The following ALDH1A3 variants were observed in gnomAD, a reference collection of about 807,000 sequenced individuals.
ALDH1A3 encodes retinaldehyde dehydrogenase 3.
Under a neutral mutation model 57.5 loss-of-function variants are expected in ALDH1A3, and 28 were observed. The ratio of observed to expected loss-of-function variants is 0.49; its 90% CI spans 0.36 to 0.67. ALDH1A3 has a LOEUF of 0.67. ALDH1A3 is among the 30% of genes least tolerant of loss of function. The probability of loss-of-function intolerance (pLI) is 0.00; values close to 1 mark genes in which losing one functional copy is unlikely to be tolerated. For missense variants in ALDH1A3, 507 were observed against 669.4 expected, an observed-to-expected ratio of 0.76 and a Z score of 2.68; for synonymous variants, 281 against 264.8, an observed-to-expected ratio of 1.06 and a Z score of -0.59.
intron 3 of ALDH1A3, among the ~76,000 whole-genome samples, chr15:100,888,160 G>T (rs866584347): frequency 6.6e-6 from 1 of 151,920 alleles, no homozygotes; most frequent in African/African-American, 2.4e-5. Context: ...GTGCAGTGGC[G>T]CGATCTCGGC....
intron 7 of ALDH1A3, among the ~76,000 whole-genome samples, chr15:100,896,519 G>A (rs1596127042): frequency 6.6e-6 from 1 of 152,114 alleles, no homozygotes; most frequent in Admixed American, 6.5e-5. Context: ...TCAGGAAAAT[G>A]CAAATTCAAA....
intron 1 of ALDH1A3, chr15:100,880,550 T>G: frequency 4.9e-5 from 11 of 226,504 alleles, no homozygotes; most frequent in East Asian, 1.8e-4. Flanking sequence ...GCTTAGTTTA[T>G]ACCCGGCTCA....
intron 12 of ALDH1A3, among the ~76,000 whole-genome samples, chr15:100,911,316 C>T (rs1287687177): frequency 2.0e-5 from 3 of 152,222 alleles, no homozygotes; most frequent in Non-Finnish European, 4.4e-5. Flanking sequence ...CGGGCCCCTC[C>T]GGGAGCTGTT....
In ALDH1A3 at chr15:100,908,433, G is replaced by T; in HGVS notation, c.1417G>T (p.Ala473Ser). ...VWINCYNALY[A>S]QAPFGGFKMS... Reference sequence around the variant, plus strand: ...GATCAACTGCTACAACGCCCTCTATGCACAGGCTCCATTTGGTGGCTTTAA... The same window carrying T: ...GATCAACTGCTACAACGCCCTCTATTCACAGGCTCCATTTGGTGGCTTTAA... The change falls in exon 12 of 13, where the codon GCA becomes TCA. Residue 473 changes from alanine to serine, a missense_variant. By Grantham distance (99) the Ala-to-Ser change is moderately conservative. This residue lies in a region of ALDH1A3 where 432 missense variants were observed against 608.4 expected (regional missense o/e 0.71). Transcript: ENST00000329841. 1 of 1,613,988 alleles carries T rather than the reference G, an allele frequency of 6.2e-7. No individual in the cohort carries two copies. Among genetic ancestry groups the T allele is most frequent in the Non-Finnish European group, 8.5e-7 (1 of 1,179,910 alleles).
chr15:100,892,419 G>A (rs1396413644), intron 3 of ALDH1A3, 91 bp from the exon 4 acceptor site: 7 of 1,571,670 alleles, frequency 4.5e-6, no homozygotes, highest in Non-Finnish European at 5.2e-6. Flanking sequence ...TCCTAGGACT[G>A]TGTTCTCTCC....
At position 100,908,390 on chromosome 15, in the gene ALDH1A3, T is replaced by G. The variant is rs372547390; in HGVS notation, c.1392-18T>G. On this transcript the variant is annotated intron_variant, in intron 11 of 12. Coordinates refer to ENST00000329841, the MANE Select transcript of ALDH1A3 (RefSeq NM_000693.4). ...GTCTTCTCCAGATGACTCTGAGCTT[T>G]CTTCCATTCTTTTCTAGGATCAACT... 2 of 1,610,084 alleles carry G rather than the reference T, an allele frequency of 1.2e-6. No homozygotes were observed. Among genetic ancestry groups the G allele is most frequent in the Non-Finnish European group, 1.7e-6 (2 of 1,176,530 alleles).
chr15:100,879,975 C>A lies in ALDH1A3; in HGVS notation c.68C>A (p.Pro23His). ...AGGAAGCCGCCGGCCCTGCCGCGCC[C>A]CATCCGCAACCTGGAGGTCAAGTTC... ...PDRKPPALPR[P>H]IRNLEVKFTK... Residue 23 changes from proline (P) to histidine (H), a missense_variant, in exon 1 of 13, where the codon CCC becomes CAC. Physicochemically the swap from Pro to His is moderately conservative, Grantham distance 77. Around this residue, in one of 2 missense-constraint regions of ALDH1A3, gnomAD observed 75 missense variants for 61.0 expected, o/e 1.23. Transcript: ENST00000329841. The A allele has an allele frequency of 6.8e-7, 1 of 1,475,202 alleles. No individual in the cohort carries two copies. The highest frequency in any genetic ancestry group is 9.0e-7 in the Non-Finnish European group (1 of 1,111,520). 91.4% of individuals were successfully genotyped at this position (1,475,202 alleles called of 1,614,324 possible).
In ALDH1A3 at chr15:100,889,141, AGTT is replaced by A. The variant is rs966017978; in HGVS notation, c.345+1433_345+1435del. ...CCCATCTCAGCCTCTTGTTTTTAAA[AGTT>A]GTTCCAAACCTTGAGGCCCGGTTGT... On this transcript the variant is annotated intron_variant, in intron 3 of 12. Transcript: ENST00000329841. The surrounding 1 kb of genome is among the most constrained non-coding windows in gnomAD (Gnocchi z 5.1). 3.3e-5 allele frequency: 5 copies of A among 152,216 alleles called. No individual in the cohort carries two copies. Among genetic ancestry groups the A allele is most frequent in the Admixed American group, 6.5e-5 (1 of 15,286 alleles). The allele number at this position is 152,216 out of a possible 1,614,324, so 9.4% of individuals were successfully genotyped here.
chr15:100,914,754 T>C lies in ALDH1A3; in HGVS notation c.1520T>C (p.Leu507Pro). ...YTEVKTVTIKLGDKNP is the reference protein window; with the variant it reads ...YTEVKTVTIKPGDKNP Reference sequence around the variant, plus strand: ...GAAGTGAAAACTGTCACCATCAAACTTGGCGACAAGAACCCCTGAAGGAAA... The same window carrying C: ...GAAGTGAAAACTGTCACCATCAAACCTGGCGACAAGAACCCCTGAAGGAAA... The change falls in exon 13 of 13, where the codon CTT (leucine) becomes CCT (proline). Residue 507 changes from leucine (L) to proline (P), a missense_variant. Coordinates refer to ENST00000329841, the MANE Select transcript of ALDH1A3 (RefSeq NM_000693.4). 2 of 1,614,058 alleles carry C rather than the reference T, an allele frequency of 1.2e-6. No homozygotes were observed. The highest frequency in any genetic ancestry group is 1.7e-6 in the Non-Finnish European group (2 of 1,180,012).
At chr15:100,884,565 GT>G (rs58072985) in intron 1 of ALDH1A3, among the ~76,000 whole-genome samples, 3,109 of 139,820 alleles carry the variant, frequency 0.022, 72 homozygotes, top group African/African-American at 0.063. Flanking sequence ...GTTTTTCTGG[GT>G]TTTTTTTTTT....
chr15:100,892,597 G>T lies in ALDH1A3; in HGVS notation c.433G>T (p.Ala145Ser). The change falls in exon 4 of 13, where the codon GCA becomes TCA. Residue 145 changes from alanine (A) to serine (S), a missense_variant. Physicochemically the swap from Ala to Ser is moderately conservative, Grantham distance 99. Coordinates refer to ENST00000329841, the MANE Select transcript of ALDH1A3 (RefSeq NM_000693.4). ...EGCIRTLRYF[A>S]GWADKIQGKT... ...CTGTATTAGAACCCTCAGATACTTTGCAGGGTGGGCAGACAAAATCCAGGG... is the reference window on the plus strand; with the variant it reads ...CTGTATTAGAACCCTCAGATACTTTTCAGGGTGGGCAGACAAAATCCAGGG... The T allele has an allele frequency of 6.2e-7, 1 of 1,612,870 alleles. No individual in the cohort carries two copies. Among genetic ancestry groups the T allele is most frequent in the Non-Finnish European group, 8.5e-7 (1 of 1,179,640 alleles).
At chr15:100,907,913 C>A (rs1419474069) in intron 11 of ALDH1A3, among the ~76,000 whole-genome samples, 1 of 132,562 alleles carries the variant, frequency 7.5e-6, no homozygotes, top group Admixed American at 8.9e-5. Flanking sequence ...CAGTGGCACA[C>A]TCTCGGCTCA....
chr15:100,914,750 A>C lies in ALDH1A3; in HGVS notation c.1516A>C (p.Lys506Gln). 6.2e-7 allele frequency: 1 copy of C among 1,614,094 alleles called. No homozygotes were observed. The change falls in exon 13 of 13, where the codon AAA (lysine) becomes CAA (glutamine). Residue 506 changes from lysine to glutamine, a missense_variant. Physicochemically the swap from Lys to Gln is moderately conservative, Grantham distance 53 (BLOSUM62 1). Coordinates refer to ENST00000329841, the MANE Select transcript of ALDH1A3 (RefSeq NM_000693.4). ...EYTEVKTVTIKLGDKNP is the reference protein window; with the variant it reads ...EYTEVKTVTIQLGDKNP The stretch of plus-strand genomic sequence containing the variant: ...CACAGAAGTGAAAACTGTCACCATC[A>C]AACTTGGCGACAAGAACCCCTGAAG...
Position 100,894,151 on chromosome 15 carries a change from G to T in ALDH1A3, c.666+69G>T. On this transcript the variant is annotated intron_variant, in intron 6 of 12. Transcript: ENST00000329841. This position sits in a 1 kb window ranked among gnomAD's most constrained non-coding sequence, Gnocchi z 4.5. ...TCCCACTCCTAGGAACCAGGCCACCGTCACGAGATGGGACAGTGGCAGACT... is the reference window on the plus strand; with the variant it reads ...TCCCACTCCTAGGAACCAGGCCACCTTCACGAGATGGGACAGTGGCAGACT... 6.4e-7 allele frequency: 1 copy of T among 1,572,728 alleles called. No individual in the cohort carries two copies. The highest frequency in any genetic ancestry group is 8.7e-7 in the Non-Finnish European group (1 of 1,155,730).
intron 11 of ALDH1A3, among the ~76,000 whole-genome samples, chr15:100,907,757 C>G (rs934844293): frequency 2.0e-5 from 3 of 151,892 alleles, no homozygotes; most frequent in Non-Finnish European, 4.4e-5. Context: ...AACCAGGAAG[C>G]AGGAGAACTT....
Position 100,912,928 on chromosome 15 carries a change from G to A in ALDH1A3, c.1467-1773G>A. ...AATCCCAGCACTTTGGGAGGCCGAGGCGGGCGGATCACGAGGTCAGGAGAT... is the reference window on the plus strand; with the variant it reads ...AATCCCAGCACTTTGGGAGGCCGAGACGGGCGGATCACGAGGTCAGGAGAT... On this transcript the variant is annotated intron_variant, in intron 12 of 12. Transcript: ENST00000329841. Among the ~76,000 whole-genome samples, 2 of 29,734 alleles carry A rather than the reference G, an allele frequency of 6.7e-5. 1 individual carries two copies. The highest frequency in any genetic ancestry group is 5.6e-4 in the Admixed American group (2 of 3,594). 19.5% of individuals were successfully genotyped at this position (29,734 alleles called of 152,430 possible).
At chr15:100,905,995 C>A (rs1483936809) in intron 10 of ALDH1A3, among the ~76,000 whole-genome samples, 3 of 152,214 alleles carry the variant, frequency 2.0e-5, no homozygotes, top group East Asian at 1.9e-4. Context: ...TCTAACACAA[C>A]CGGTCCCCGA....
intron 7 of ALDH1A3, 145 bp downstream of exon 7, chr15:100,896,191 G>A (rs998162628): frequency 3.2e-6 from 2 of 623,756 alleles, no homozygotes; most frequent in Non-Finnish European, 2.8e-6. Flanking sequence ...GTTAAAAAAA[G>A]TCACTGGTCT....
Position 100,898,136 on chromosome 15 carries a change from G to A in ALDH1A3, c.834G>A (p.Thr278=), listed in dbSNP as rs751008211. 4.8e-5 allele frequency: 77 copies of A among 1,614,034 alleles called. No individual in the cohort carries two copies. In the South Asian group the frequency reaches 5.3e-4, roughly 11 times the overall value. ...CCCGGAGCAATCTGAAGCGGGTGAC[G>A]CTGGAGCTGGGGGGGAAGAACCCCT... The part of the protein sequence containing the change: ...AASRSNLKRV[T]LELGGKNPCI... The change falls in exon 8 of 13, where the codon ACG becomes ACA. Residue 278 remains threonine (T), a synonymous_variant. Coordinates refer to ENST00000329841, the MANE Select transcript of ALDH1A3 (RefSeq NM_000693.4).
Sources: gnomAD v4.1 joint callset for allele counts (sites outside exome capture counted in the v4.1 genomes callset) on GRCh38, gnomAD v4.1.1 for gene constraint, gnomAD v4.1.1 regional missense constraint, Gnocchi (gnomAD v3.1) non-coding constraint, MANE v1.5 for transcripts, NCBI Gene and HGNC (gene_info 2026-07-23, HGNC 2026-07-21) for gene names.